NDST4: variants seen among roughly 807,000 people sequenced by gnomAD.
NDST4 encodes N-deacetylase and N-sulfotransferase 4.
NDST4 carries 63 observed loss-of-function variants against 100.8 expected under a neutral mutation model. The ratio of observed to expected loss-of-function variants is 0.62; its 90% confidence interval spans 0.51 to 0.77. NDST4 has a LOEUF of 0.77. Among genes scored for constraint, NDST4 ranks in the 30% least tolerant of loss-of-function variants. NDST4 has a pLI of 0.00. For missense variants in NDST4, 943 were observed against 1,018.4 expected (o/e 0.93, Z 1.01); for synonymous variants, 377 against 361.8 (o/e 1.04, Z -0.48).
intron 2 of NDST4, among the ~76,000 whole-genome samples, chr4:114,996,995 G>A (rs1336017379): frequency 6.6e-6 from 1 of 152,104 alleles, no homozygotes; most frequent in African/African-American, 2.4e-5. Flanking sequence ...TGGTACCTAT[G>A]AGGCAGCTAC....
chr4:114,999,816 G>A (rs1389160426), intron 2 of NDST4, among the ~76,000 whole-genome samples: 1 of 151,920 alleles, frequency 6.6e-6, no homozygotes, highest in Admixed American at 6.6e-5. Flanking sequence ...GCTGTTAGGA[G>A]GTATATAATA....
chr4:114,988,375 T>C (rs1726959555), intron 2 of NDST4, among the ~76,000 whole-genome samples: 1 of 141,428 alleles, frequency 7.1e-6, no homozygotes, highest in Non-Finnish European at 1.5e-5. Context: ...TTTTTTTTTT[T>C]TTTTGAGACA....
chr4:114,982,168 A>G (rs1055511291), intron 2 of NDST4, among the ~76,000 whole-genome samples: 7 of 152,224 alleles, frequency 4.6e-5, no homozygotes, highest in Admixed American at 2.6e-4. Flanking sequence ...CTATAATGAC[A>G]CCTGAAAATG....
chr4:114,843,835 T>C (rs73848477), intron 10 of NDST4, among the ~76,000 whole-genome samples: 4,587 of 152,244 alleles, frequency 0.03, 197 homozygotes, highest in African/African-American at 0.1. Flanking sequence ...TTTCACCATT[T>C]ACATGGCCAT....
chr4:114,893,554 T>G (rs1470955280), intron 6 of NDST4, among the ~76,000 whole-genome samples: 1 of 152,174 alleles, frequency 6.6e-6, no homozygotes, highest in African/African-American at 2.4e-5. Context: ...TTTTGAGAAG[T>G]GTCTGTTCAG....
At chr4:115,068,082 G>A (rs898801832) in intron 2 of NDST4, among the ~76,000 whole-genome samples, 1 of 151,956 alleles carries the variant, frequency 6.6e-6, no homozygotes, top group African/African-American at 2.4e-5. Flanking sequence ...TCAAATGGCT[G>A]TTGGAACTAA....
chr4:115,022,912 G>A (rs534666115), intron 2 of NDST4, among the ~76,000 whole-genome samples: 7 of 152,248 alleles, frequency 4.6e-5, no homozygotes, highest in African/African-American at 1.2e-4. Context: ...CCTCAGCCAC[G>A]TAGAACTGAA....
intron 2 of NDST4, among the ~76,000 whole-genome samples, chr4:115,056,242 C>G (rs1053920297): frequency 5.9e-5 from 9 of 151,914 alleles, no homozygotes; most frequent in Non-Finnish European, 1.0e-4. Context: ...GTCCCAGGTA[C>G]TTGGGAGGCT....
chr4:115,047,395 A>G (rs1728484905), intron 2 of NDST4, among the ~76,000 whole-genome samples: 1 of 152,112 alleles, frequency 6.6e-6, no homozygotes, highest in Non-Finnish European at 1.5e-5. Flanking sequence ...CCAAAAGAAT[A>G]CCATGGGTTT....
At chr4:114,831,465 G>T (rs1723200310) in intron 12 of NDST4, among the ~76,000 whole-genome samples, 1 of 151,770 alleles carries the variant, frequency 6.6e-6, no homozygotes, top group Admixed American at 6.6e-5. Flanking sequence ...AGATGAAGTT[G>T]GCATAACAGT....
chr4:114,963,823 A>T (rs1261531832), intron 4 of NDST4, among the ~76,000 whole-genome samples: 1 of 152,226 alleles, frequency 6.6e-6, no homozygotes, highest in Non-Finnish European at 1.5e-5. Flanking sequence ...ATATTTTGAA[A>T]TTAATGCAAT....
intron 2 of NDST4, among the ~76,000 whole-genome samples, chr4:115,040,008 C>CAT (rs899601323): frequency 2.0e-5 from 3 of 151,348 alleles, no homozygotes; most frequent in Non-Finnish European, 3.0e-5. Flanking sequence ...CATACATACC[C>CAT]ATATATATAC....
intron 6 of NDST4, among the ~76,000 whole-genome samples, chr4:114,893,250 G>T (rs1207535264): frequency 3.9e-5 from 6 of 152,072 alleles, no homozygotes; most frequent in Non-Finnish European, 8.8e-5. Context: ...ATTCCTTTGG[G>T]TATATATCCA....
chr4:114,867,664 G>GAAAAAAAAAAAAAAAAA (rs1491405935), intron 7 of NDST4, among the ~76,000 whole-genome samples: 1 of 26,084 alleles, frequency 3.8e-5, no homozygotes, highest in Admixed American at 4.8e-4. Flanking sequence ...AAAAAAAAAA[G>GAAAAAAAAAAAAAAAAA]CAAAAAAAAA....
At chr4:114,993,619 T>G (rs560287703) in intron 2 of NDST4, among the ~76,000 whole-genome samples, 67 of 152,098 alleles carry the variant, frequency 4.4e-4, no homozygotes, top group Non-Finnish European at 8.7e-4. Flanking sequence ...CTTAAAAATA[T>G]CTTAGCCTCT....
At chr4:114,829,747 A>C (rs1271068038) in intron 13 of NDST4, 43 bp downstream of exon 13, 2 of 1,465,870 alleles carry the variant, frequency 1.4e-6, no homozygotes, top group African/African-American at 2.9e-5. Context: ...AGCTGTTTGC[A>C]AATATTTTTG....
intron 2 of NDST4, among the ~76,000 whole-genome samples, chr4:114,980,063 G>A (rs1726732859): frequency 6.6e-6 from 1 of 151,908 alleles, no homozygotes; most frequent in African/African-American, 2.4e-5. Context: ...AAATTCAGAA[G>A]AAAAGTAGAA....
At chr4:115,098,843 G>A (rs72900644) in intron 1 of NDST4, among the ~76,000 whole-genome samples, 4,538 of 152,176 alleles carry the variant, frequency 0.03, 231 homozygotes, top group African/African-American at 0.1. Context: ...AGGACCACAA[G>A]CATGTGCCAC....
intron 1 of NDST4, among the ~76,000 whole-genome samples, chr4:115,088,182 A>C (rs1276076497): frequency 6.6e-6 from 1 of 151,948 alleles, no homozygotes; most frequent in Non-Finnish European, 1.5e-5. Context: ...AAAAACAGAA[A>C]GTGAAGGTTG....
Sources: gnomAD v4.1 joint callset for allele counts (sites outside exome capture counted in the v4.1 genomes callset) on GRCh38, gnomAD v4.1.1 for gene constraint, MANE v1.5 for transcripts, NCBI Gene and HGNC (gene_info 2026-07-23, HGNC 2026-07-21) for gene names.